The following ANK2 variants were observed in gnomAD, a reference collection of about 807,000 sequenced individuals.
The protein encoded by ANK2 is ankyrin 2, also known as ankyrin-2.
A neutral mutation model predicts 360.5 loss-of-function variants in ANK2; 83 were observed. That is an observed-to-expected ratio of 0.23 (90% CI 0.19 to 0.28). The LOEUF (loss-of-function observed/expected upper bound fraction) is 0.28, where lower values mean the gene tolerates loss of function less well. Ranked by LOEUF, ANK2 falls within the 10% of genes least tolerant of loss-of-function variation. The pLI is 1.00. For synonymous variants in ANK2, 1,740 were observed against 1,759.5 expected (o/e 0.99, Z 0.28); for missense variants, 4,201 against 4,795.7 (o/e 0.88, Z 3.66).
intron 1 of ANK2, among the ~76,000 whole-genome samples, chr4:112,890,590 G>A (rs1324012133): frequency 9.2e-5 from 8 of 86,562 alleles, no homozygotes; most frequent in African/African-American, 3.2e-4. Context: ...TTTTTGAGAC[G>A]GAGTTTCGCT....
intron 35 of ANK2, among the ~76,000 whole-genome samples, chr4:113,346,570 T>A (rs2094882787): frequency 6.6e-6 from 1 of 152,116 alleles, no homozygotes; most frequent in African/African-American, 2.4e-5. Flanking sequence ...GCATATAAAC[T>A]GGTGTGATGG....
the ANK2 span, among the ~76,000 whole-genome samples, chr4:112,755,125 C>T: frequency 6.6e-6 from 1 of 152,142 alleles, no homozygotes; most frequent in African/African-American, 2.4e-5. Flanking sequence ...CTCAATCCTG[C>T]CCCCCTCCAA....
At chr4:113,306,488 T>C (rs1333425650) in intron 23 of ANK2, among the ~76,000 whole-genome samples, 1 of 152,220 alleles carries the variant, frequency 6.6e-6, no homozygotes, top group Non-Finnish European at 1.5e-5. Flanking sequence ...AAGATTTCAA[T>C]TAATGATGAA....
At position 113,074,958 on chromosome 4, in the gene ANK2, T is replaced by G. The variant is rs1007675147; in HGVS notation, c.84+25146T>G. On this transcript the variant is annotated intron_variant, in intron 1 of 45. Coordinates refer to ENST00000357077, the MANE Select transcript of ANK2 (RefSeq NM_001148.6). The stretch of plus-strand genomic sequence containing the variant: ...TGTTTAATATATGGCAAAATAGACA[T>G]AGATTTAAAAATGCACTTTAGTATC... Among the ~76,000 whole-genome samples the G allele has an allele frequency of 2.0e-5, 3 of 152,194 alleles. No individual in the cohort carries two copies. In the South Asian group the frequency reaches 6.2e-4, roughly 31 times the overall value.
At chr4:113,092,132 G>A (rs576546106) in intron 1 of ANK2, among the ~76,000 whole-genome samples, 4 of 152,206 alleles carry the variant, frequency 2.6e-5, no homozygotes, top group Admixed American at 1.3e-4. Flanking sequence ...TATAGCCAAT[G>A]TGTGTTCTTA....
chr4:113,106,762 A>G, intron 1 of ANK2: 2 of 332,972 alleles, frequency 6.0e-6, no homozygotes, highest in South Asian at 5.4e-5. Flanking sequence ...TATTCTGACA[A>G]ATTTTCTTCA....
chr4:113,257,107 A>G (rs2049898653), intron 11 of ANK2, among the ~76,000 whole-genome samples: 1 of 152,204 alleles, frequency 6.6e-6, no homozygotes, highest in African/African-American at 2.4e-5. Context: ...GTAAGACCAT[A>G]TGCTTTCCTG....
chr4:112,729,068 A>T, the ANK2 span, among the ~76,000 whole-genome samples: 6 of 152,042 alleles, frequency 3.9e-5, no homozygotes, highest in Admixed American at 2.6e-4. Flanking sequence ...TTAGCCAGGC[A>T]TGGTGGCACA....
chr4:113,259,779 C>A (rs527258343), intron 13 of ANK2, among the ~76,000 whole-genome samples: 238 of 150,872 alleles, frequency 1.6e-3, no homozygotes, highest in Admixed American at 4.2e-3. Context: ...TCATCCCCCC[C>A]CTTTTTTTTT....
intron 2 of ANK2, among the ~76,000 whole-genome samples, chr4:113,020,825 C>CA (rs199827290): frequency 0.21 from 27,350 of 130,328 alleles, 3,640 homozygotes; most frequent in East Asian, 0.37. Flanking sequence ...GACTCTGTCT[C>CA]AAAAAAAGAA....
chr4:112,772,827 G>T, the ANK2 span, among the ~76,000 whole-genome samples: 1 of 152,052 alleles, frequency 6.6e-6, no homozygotes, highest in South Asian at 2.1e-4. Context: ...TGCTACATTT[G>T]TAAATTAATG....
At chr4:112,963,074 C>G (rs1038070098) in intron 2 of ANK2, among the ~76,000 whole-genome samples, 6 of 152,036 alleles carry the variant, frequency 3.9e-5, no homozygotes, top group Non-Finnish European at 8.8e-5. Flanking sequence ...TAGATGGTGA[C>G]ATGTTCCTTT....
chr4:113,025,653 A>G (rs1043683677), intron 2 of ANK2, among the ~76,000 whole-genome samples: 9 of 152,254 alleles, frequency 5.9e-5, no homozygotes, highest in South Asian at 2.1e-4. Context: ...AGCTTTGTAC[A>G]TTATGTTTCT....
At chr4:113,008,104 T>C (rs1285035297) in intron 2 of ANK2, among the ~76,000 whole-genome samples, 1 of 105,816 alleles carries the variant, frequency 9.5e-6, no homozygotes, top group African/African-American at 3.5e-5. Flanking sequence ...CTTATTAAGC[T>C]TTTCCTTTTT....
chr4:112,939,476 AT>A (rs11402408), intron 2 of ANK2, among the ~76,000 whole-genome samples: 27 of 147,670 alleles, frequency 1.8e-4, no homozygotes, highest in Non-Finnish European at 3.0e-4. Flanking sequence ...TGCCTGGCTA[AT>A]TTTTTTTTTG....
chr4:113,056,639 A>G (rs1236954736), intron 1 of ANK2, among the ~76,000 whole-genome samples: 1 of 152,178 alleles, frequency 6.6e-6, no homozygotes, highest in Non-Finnish European at 1.5e-5. Flanking sequence ...CCAGGGAGAC[A>G]ATCTTTTGAT....
At chr4:113,080,531 GAA>G (rs1453959925) in intron 1 of ANK2, among the ~76,000 whole-genome samples, 1 of 152,122 alleles carries the variant, frequency 6.6e-6, no homozygotes, top group Non-Finnish European at 1.5e-5. Context: ...TGATTGATGG[GAA>G]AATAGTTTAG....
At chr4:113,249,592 A>T (rs1337754707) in intron 9 of ANK2, among the ~76,000 whole-genome samples, 172 bp from the exon 10 acceptor site, 4 of 151,942 alleles carry the variant, frequency 2.6e-5, no homozygotes, top group Non-Finnish European at 5.9e-5. Context: ...TGTACTTCTG[A>T]CTTGTTTTCT....
At chr4:112,938,163 A>T (rs2093912054) in intron 2 of ANK2, among the ~76,000 whole-genome samples, 1 of 152,216 alleles carries the variant, frequency 6.6e-6, no homozygotes, top group South Asian at 2.1e-4. Flanking sequence ...CAGAGTTTAA[A>T]TCATTTCATC....
Sources: gnomAD v4.1 joint callset for allele counts (sites outside exome capture counted in the v4.1 genomes callset) on GRCh38, gnomAD v4.1.1 for gene constraint, MANE v1.5 for transcripts, NCBI Gene and HGNC (gene_info 2026-07-23, HGNC 2026-07-21) for gene names.